PTPRD: variants seen among roughly 807,000 people sequenced by gnomAD.
PTPRD encodes the protein receptor-type tyrosine-protein phosphatase delta.
In PTPRD, 34 loss-of-function variants were observed where a neutral mutation model predicts 214.5. The ratio of observed to expected loss-of-function variants is 0.16; its 90% CI spans 0.12 to 0.21. PTPRD has a LOEUF of 0.21. Ranked by LOEUF, PTPRD falls within the 10% of genes least tolerant of loss-of-function variation. The pLI is 1.00. For synonymous variants in PTPRD, 1,128 were observed against 845.7 expected, an observed-to-expected ratio of 1.33 and a Z score of -5.79; for missense variants, 2,545 against 2,398.7, an observed-to-expected ratio of 1.06 and a Z score of -1.27.
chr9:10,490,686 T>C (rs1436253457), intron 2 of PTPRD, among the ~76,000 whole-genome samples: 1 of 152,194 alleles, frequency 6.6e-6, no homozygotes, highest in Non-Finnish European at 1.5e-5. Flanking sequence ...CTCCTGTCTT[T>C]AAATCATATT....
intron 11 of PTPRD, among the ~76,000 whole-genome samples, chr9:8,771,696 G>A (rs7035241): frequency 0.042 from 6,390 of 152,048 alleles, 321 homozygotes; most frequent in African/African-American, 0.12. Flanking sequence ...ATACTTAAAG[G>A]ATAATTATAA....
At chr9:9,921,186 TCTGTTCATTATTAA>T (rs2082434989) in intron 5 of PTPRD, among the ~76,000 whole-genome samples, 1 of 152,120 alleles carries the variant, frequency 6.6e-6, no homozygotes, top group Non-Finnish European at 1.5e-5. Flanking sequence ...TCCCTTGATG[TCTGTTCATTATTAA>T]CTGCTTTTCA....
chr9:10,074,097 T>C (rs1034138904), intron 3 of PTPRD, among the ~76,000 whole-genome samples: 4 of 152,138 alleles, frequency 2.6e-5, no homozygotes, highest in Non-Finnish European at 5.9e-5. Flanking sequence ...CGTGGAGGTA[T>C]TTCAGATACC....
At chr9:9,700,967 A>G (rs1410283211) in intron 7 of PTPRD, among the ~76,000 whole-genome samples, 4 of 152,112 alleles carry the variant, frequency 2.6e-5, no homozygotes, top group Non-Finnish European at 5.9e-5. Context: ...AAAGAGTTGT[A>G]GGAACTCAGA....
chr9:9,538,717 G>A (rs763105815), intron 8 of PTPRD, among the ~76,000 whole-genome samples: 43 of 151,776 alleles, frequency 2.8e-4, no homozygotes, highest in Non-Finnish European at 3.8e-4. Flanking sequence ...ATACATATAC[G>A]TCAATGAATA....
At chr9:9,418,596 T>C (rs1239677994) in intron 8 of PTPRD, among the ~76,000 whole-genome samples, 1 of 152,028 alleles carries the variant, frequency 6.6e-6, no homozygotes, top group African/African-American at 2.4e-5. Context: ...GGCCATGCTA[T>C]TACCTGCCTC....
intron 10 of PTPRD, among the ~76,000 whole-genome samples, chr9:9,039,196 A>G (rs1001659636): frequency 6.6e-6 from 1 of 152,198 alleles, no homozygotes; most frequent in African/African-American, 2.4e-5. Context: ...AACCTGGAAT[A>G]TAATTGAAGT....
intron 11 of PTPRD, among the ~76,000 whole-genome samples, chr9:8,961,405 T>C (rs2099158105): frequency 6.6e-6 from 1 of 152,088 alleles, no homozygotes; most frequent in South Asian, 2.1e-4. Flanking sequence ...TGTTGGGAAA[T>C]GACTGACCTT....
chr9:9,309,933 T>C (rs910030078), intron 9 of PTPRD, among the ~76,000 whole-genome samples: 4 of 152,176 alleles, frequency 2.6e-5, no homozygotes, highest in African/African-American at 9.6e-5. Flanking sequence ...GATTTCCTCC[T>C]TATAATGGTG....
chr9:9,705,854 T>A (rs188052275), intron 7 of PTPRD, among the ~76,000 whole-genome samples: 13 of 152,240 alleles, frequency 8.5e-5, no homozygotes, highest in Admixed American at 3.9e-4. Flanking sequence ...CTCAATCACT[T>A]TGAAATTTAT....
At position 9,297,993 on chromosome 9, in the gene PTPRD, T is replaced by G. The variant is rs544365413; in HGVS notation, c.-203+99456A>C. ...GGTTTGGATAATTCCCAGCACAATGTGTGACACATAGTAGATGCTAGGGAA... is the reference window on the plus strand; with the variant it reads ...GGTTTGGATAATTCCCAGCACAATGGGTGACACATAGTAGATGCTAGGGAA... On this transcript the variant is annotated intron_variant, in intron 9 of 45. Transcript: ENST00000381196. Among the ~76,000 whole-genome samples, 11 of 151,848 alleles carry G rather than the reference T, an allele frequency of 7.2e-5. No individual in the cohort carries two copies. In the East Asian group the frequency reaches 1.9e-3, roughly 27 times the overall value.
intron 2 of PTPRD, among the ~76,000 whole-genome samples, chr9:10,506,245 T>A (rs533152051): frequency 6.6e-6 from 1 of 152,296 alleles, no homozygotes; most frequent in South Asian, 2.1e-4. Flanking sequence ...TTTAGCTTTA[T>A]AAAAGATGTG....
intron 8 of PTPRD, among the ~76,000 whole-genome samples, chr9:9,532,413 C>G (rs146857322): frequency 1.8e-4 from 28 of 152,268 alleles, no homozygotes; most frequent in African/African-American, 6.7e-4. Flanking sequence ...AACTGGCGTC[C>G]TGCCCAATCC....
At chr9:8,453,380 G>A (rs1045626485) in intron 33 of PTPRD, among the ~76,000 whole-genome samples, 12 of 152,222 alleles carry the variant, frequency 7.9e-5, no homozygotes, top group African/African-American at 2.4e-4. Context: ...TAGTCAGGAT[G>A]GTCTCGATCT....
chr9:9,408,801 A>G (rs914802), intron 8 of PTPRD, among the ~76,000 whole-genome samples: 91,849 of 151,706 alleles, frequency 0.61, 28,391 homozygotes, highest in Middle Eastern at 0.68. Context: ...AACATCCCTC[A>G]TACTGTCTGG....
At position 10,522,050 on chromosome 9, in the gene PTPRD, T is replaced by C. The variant is rs1422695306; in HGVS notation, c.-600+90348A>G. Among the ~76,000 whole-genome samples, 4 of 152,088 alleles carry C rather than the reference T, an allele frequency of 2.6e-5. No individual in the cohort carries two copies. The South Asian group carries it at 6.2e-4, about 24-fold the overall frequency. On this transcript the variant is annotated intron_variant, in intron 2 of 45. Transcript: ENST00000381196. ...ACATATGTGTATATCCACACACTCA[T>C]AGATGGATATAATATTTAAGGAAAA... is the stretch of plus-strand genomic sequence containing the variant.
At chr9:9,480,584 G>C (rs1362378555) in intron 8 of PTPRD, among the ~76,000 whole-genome samples, 1 of 151,966 alleles carries the variant, frequency 6.6e-6, no homozygotes, top group Non-Finnish European at 1.5e-5. Flanking sequence ...TGTTTATAGT[G>C]TCTCTTTTTC....
intron 3 of PTPRD, among the ~76,000 whole-genome samples, chr9:10,235,787 A>G (rs2099626921): frequency 6.6e-6 from 1 of 152,078 alleles, no homozygotes; most frequent in African/African-American, 2.4e-5. Flanking sequence ...AGCGATTAAA[A>G]TGAAATTTTA....
At chr9:10,200,907 T>C (rs1259120168) in intron 3 of PTPRD, among the ~76,000 whole-genome samples, 1 of 152,090 alleles carries the variant, frequency 6.6e-6, no homozygotes, top group Admixed American at 6.6e-5. Context: ...TTTTTAATTT[T>C]TGGTAAATAA....
Sources: gnomAD v4.1 joint callset for allele counts (sites outside exome capture counted in the v4.1 genomes callset) on GRCh38, gnomAD v4.1.1 for gene constraint, MANE v1.5 for transcripts, NCBI Gene and HGNC (gene_info 2026-07-23, HGNC 2026-07-21) for gene names.